The following KIF17 variants were observed in gnomAD, a reference collection of about 807,000 sequenced individuals.
The protein encoded by KIF17 is kinesin family member 17, also known as kinesin-like protein KIF17.
A neutral mutation model predicts 96.8 loss-of-function variants in KIF17; 80 were observed. The observed-to-expected ratio is 0.83, with a 90% confidence interval of 0.69 to 1.00. KIF17 has a LOEUF of 1.00. Among genes scored for constraint, KIF17 ranks in the 50% least tolerant of loss-of-function variants. The pLI, the probability that KIF17 is intolerant of heterozygous loss-of-function variation, is 0.00. For missense variants in KIF17, 1,280 were observed against 1,372.9 expected, an observed-to-expected ratio of 0.93 and a Z score of 1.07; for synonymous variants, 567 against 587.5, an observed-to-expected ratio of 0.97 and a Z score of 0.51.
chr1:20,666,111 G>C, intron 14 of KIF17, 103 bp downstream of exon 14: 1 of 879,858 alleles, frequency 1.1e-6, no homozygotes, highest in Non-Finnish European at 1.9e-6. Flanking sequence ...GGCTCCGAGA[G>C]GGAAAGGAGT....
At chr1:20,691,549 G>A (rs1312961681) in intron 6 of KIF17, among the ~76,000 whole-genome samples, 1 of 151,294 alleles carries the variant, frequency 6.6e-6, no homozygotes, top group African/African-American at 2.4e-5. Context: ...CAACTCCCAG[G>A]TTCAAGCGAT....
At chr1:20,671,731 C>A (rs1397916783) in intron 12 of KIF17, among the ~76,000 whole-genome samples, 1 of 152,224 alleles carries the variant, frequency 6.6e-6, no homozygotes, top group Admixed American at 6.5e-5. Flanking sequence ...AAAGGGCACA[C>A]AGGGAACGGT....
intron 4 of KIF17, among the ~76,000 whole-genome samples, chr1:20,708,743 A>C (rs2054386117): frequency 6.6e-6 from 1 of 152,222 alleles, no homozygotes; most frequent in South Asian, 2.1e-4. Flanking sequence ...CCTGTCTCTA[A>C]GACTGTCGTG....
rs1404459922 is a variant in KIF17 at position 20,666,842 on chromosome 1, G to A, written c.2791-511C>T. ...TTCAATCTAAATCTCCCTTTTCAGG[G>A]AATTGTCCTTCTTCCACTTGACATC... is the stretch of plus-strand genomic sequence containing the variant. On this transcript the variant is annotated intron_variant, in intron 13 of 14. Transcript: ENST00000400463. 3.3e-5 allele frequency among the ~76,000 whole-genome samples: 5 copies of A among 152,162 alleles called. No individual in the cohort carries two copies. In the South Asian group the frequency reaches 1.0e-3, roughly 32 times the overall value.
At chr1:20,662,963 C>A (rs1228742673), downstream of KIF17, among the ~76,000 whole-genome samples, 3 of 152,180 alleles carry the variant, frequency 2.0e-5, no homozygotes, top group African/African-American at 7.2e-5. Context: ...CGCGGTGGCT[C>A]ACACCTGTAA....
At chr1:20,714,612 C>G (rs183135778) in intron 2 of KIF17, among the ~76,000 whole-genome samples, 2 of 152,172 alleles carry the variant, frequency 1.3e-5, no homozygotes, top group Admixed American at 1.3e-4. Flanking sequence ...ACCTGGCCAA[C>G]ATGGCGAAAC....
chr1:20,691,624 A>ATTT (rs72410884), intron 6 of KIF17, among the ~76,000 whole-genome samples: 13 of 123,036 alleles, frequency 1.1e-4, no homozygotes, highest in Non-Finnish European at 1.7e-4. Flanking sequence ...ACGTCTGGCT[A>ATTT]TTTTTTTTTT....
intron 6 of KIF17, among the ~76,000 whole-genome samples, chr1:20,697,136 A>G (rs1480798938): frequency 6.6e-6 from 1 of 152,194 alleles, no homozygotes; most frequent in Admixed American, 6.5e-5. Context: ...TGTCTGCCCC[A>G]GAGGCTGGGC....
intron 3 of KIF17, among the ~76,000 whole-genome samples, chr1:20,711,033 G>A (rs2054426174): frequency 6.7e-6 from 1 of 149,462 alleles, no homozygotes; most frequent in African/African-American, 2.4e-5. Context: ...GGACGGAGCC[G>A]CGTGTGGCCT....
chr1:20,703,272 G>A (rs1482668401), intron 5 of KIF17, among the ~76,000 whole-genome samples: 2 of 152,048 alleles, frequency 1.3e-5, no homozygotes, highest in African/African-American at 2.4e-5. Context: ...AAGGAAGATC[G>A]ATGAATAGAT....
chr1:20,689,116 T>A (rs1346794025), intron 7 of KIF17, among the ~76,000 whole-genome samples: 1 of 151,820 alleles, frequency 6.6e-6, no homozygotes, highest in Admixed American at 6.6e-5. Context: ...ATTCAGGGAG[T>A]CCTACCTCGC....
At chr1:20,711,268 A>G (rs1360279155) in intron 3 of KIF17, among the ~76,000 whole-genome samples, 1 of 152,142 alleles carries the variant, frequency 6.6e-6, no homozygotes, top group African/African-American at 2.4e-5. Context: ...CCCAGGAGAC[A>G]ACACCTCACC....
In KIF17 at chr1:20,714,300, C is replaced by A. The variant is rs547835285; in HGVS notation, c.379-745G>T. Among the ~76,000 whole-genome samples, 8 of 151,888 alleles carry A rather than the reference C, an allele frequency of 5.3e-5. No individual in the cohort carries two copies. The East Asian group carries it at 1.4e-3, about 26-fold the overall frequency. ...TGAGATCACGCCACTGCACTCCAGC[C>A]TGGACAACAGAGCGAGACTCCGTCT... On this transcript the variant is annotated intron_variant, in intron 2 of 14. Coordinates refer to ENST00000400463, the MANE Select transcript of KIF17 (RefSeq NM_001122819.3).
At chr1:20,666,669 G>A (rs3818392) in intron 13 of KIF17, among the ~76,000 whole-genome samples, 59,097 of 152,080 alleles carry the variant, frequency 0.39, 11,647 homozygotes, top group Middle Eastern at 0.43. Flanking sequence ...TGATACACAA[G>A]CCCCAAATCT....
intron 6 of KIF17, among the ~76,000 whole-genome samples, chr1:20,697,609 ATAAG>A (rs369079844): frequency 7.2e-5 from 11 of 152,308 alleles, no homozygotes; most frequent in African/African-American, 2.2e-4. Context: ...TGTCTCAAAA[ATAAG>A]TAAGTAAATA....
Position 20,709,113 on chromosome 1 carries a change from G to A in KIF17, c.670+526C>T, listed in dbSNP as rs1275578555. ...ACACACATTGCCTGGCACACTGGCCGGGCGCAGTGGCTCAAGCCTGTAATC... is the reference window on the plus strand; with the variant it reads ...ACACACATTGCCTGGCACACTGGCCAGGCGCAGTGGCTCAAGCCTGTAATC... On this transcript the variant is annotated intron_variant, in intron 4 of 14. Transcript: ENST00000400463. The surrounding 1 kb of genome is among the most constrained non-coding windows in gnomAD (Gnocchi z 4.7). Among the ~76,000 whole-genome samples the A allele has an allele frequency of 2.6e-5, 4 of 152,234 alleles. No homozygotes were observed. The highest frequency in any genetic ancestry group is 2.9e-5 in the Non-Finnish European group (2 of 68,038).
In KIF17 at chr1:20,698,391, C is replaced by A; in HGVS notation, c.1221G>T (p.Gln407His). ...GCTTGGGTCTCACCTCCCGGATCAG[C>A]TGCTTCTCGGCCTCCACGTCATGCT... ...VIQHDVEAEK[Q>H]LIREEYEERL... The change falls in exon 6 of 15, where the codon CAG (glutamine) becomes CAT (histidine). Residue 407 changes from glutamine (Q) to histidine (H), a missense_variant. Coordinates refer to ENST00000400463, the MANE Select transcript of KIF17 (RefSeq NM_001122819.3). 9 of 1,613,520 alleles carry A rather than the reference C, an allele frequency of 5.6e-6. No homozygotes were observed. Among genetic ancestry groups the A allele is most frequent in the Non-Finnish European group, 7.6e-6 (9 of 1,179,594 alleles).
At position 20,684,742 on chromosome 1, in the gene KIF17, C is replaced by T. The variant is rs1010451008; in HGVS notation, c.2231+67G>A. 4.7e-6 allele frequency: 7 copies of T among 1,475,298 alleles called. No individual in the cohort carries two copies. The East Asian group carries it at 1.7e-4, about 36-fold the overall frequency. 91.4% of individuals were successfully genotyped at this position (1,475,298 alleles called of 1,614,324 possible). ...GAGGAAGCTATGGCACCCCCGCCTC[C>T]ATCCTGGAAGGCAGCCCCTTCCCAC... On this transcript the variant is annotated intron_variant, in intron 10 of 14. Coordinates refer to ENST00000400463, the MANE Select transcript of KIF17 (RefSeq NM_001122819.3).
rs576362433 is a variant in KIF17 at position 20,687,049 on chromosome 1, C to G, written c.1938+339G>C. ...CAGTGAGCGTCGCCCAGGGCTCCGTCAGGCCTGGACACTCACTGTAACCAT... is the reference window on the plus strand; with the variant it reads ...CAGTGAGCGTCGCCCAGGGCTCCGTGAGGCCTGGACACTCACTGTAACCAT... On this transcript the variant is annotated intron_variant, in intron 8 of 14. Coordinates refer to ENST00000400463, the MANE Select transcript of KIF17 (RefSeq NM_001122819.3). The surrounding 1 kb of genome is among the most constrained non-coding windows in gnomAD (Gnocchi z 4.4). Among the ~76,000 whole-genome samples the G allele has an allele frequency of 1.9e-4, 29 of 152,332 alleles. No individual in the cohort carries two copies. Among genetic ancestry groups the G allele is most frequent in the Admixed American group, 1.7e-3 (26 of 15,300 alleles).
Sources: gnomAD v4.1 joint callset for allele counts (sites outside exome capture counted in the v4.1 genomes callset) on GRCh38, gnomAD v4.1.1 for gene constraint, Gnocchi (gnomAD v3.1) non-coding constraint, MANE v1.5 for transcripts, NCBI Gene and HGNC (gene_info 2026-07-23, HGNC 2026-07-21) for gene names.